The following FRAS1 variants were observed in gnomAD, a reference collection of about 807,000 sequenced individuals.
FRAS1 encodes Fraser extracellular matrix complex subunit 1, also known as extracellular matrix organizing protein FRAS1.
A neutral mutation model predicts 435.2 loss-of-function variants in FRAS1; 290 were observed. The ratio of observed to expected loss-of-function variants is 0.67; its 90% CI spans 0.61 to 0.73. The LOEUF is 0.73. Among genes scored for constraint, FRAS1 ranks in the 30% least tolerant of loss-of-function variants. The probability of loss-of-function intolerance (pLI) is 0.00; values close to 1 mark genes in which losing one functional copy is unlikely to be tolerated. For missense variants in FRAS1, 4,860 were observed against 5,001.5 expected (o/e 0.97, Z 0.85); for synonymous variants, 1,800 against 1,851.0 (o/e 0.97, Z 0.71).
chr4:78,177,769 C>T (rs868484021), intron 2 of FRAS1, among the ~76,000 whole-genome samples: 1 of 152,142 alleles, frequency 6.6e-6, no homozygotes, highest in Admixed American at 6.5e-5. Context: ...TGCCTCACCA[C>T]CTTTTACCTT....
chr4:78,225,977 T>A (rs950987968), intron 2 of FRAS1, among the ~76,000 whole-genome samples: 1 of 152,234 alleles, frequency 6.6e-6, no homozygotes, highest in African/African-American at 2.4e-5. Context: ...CCCTTCTTTT[T>A]GTCTTTGAAT....
At chr4:78,518,438 ATATATATATATATATT>A (rs1560423097) in intron 66 of FRAS1, among the ~76,000 whole-genome samples, 2 of 120,256 alleles carry the variant, frequency 1.7e-5, no homozygotes, top group Non-Finnish European at 3.5e-5. Context: ...ATATATATAT[ATATATATATATATATT>A]TATTTATTTA....
chr4:78,412,300 A>G (rs1362842734), intron 31 of FRAS1, among the ~76,000 whole-genome samples: 1 of 152,256 alleles, frequency 6.6e-6, no homozygotes, highest in East Asian at 1.9e-4. Flanking sequence ...TTAGCAAACA[A>G]TGGAGAGAAA....
chr4:78,277,617 T>A (rs1350492628), intron 9 of FRAS1, among the ~76,000 whole-genome samples: 1 of 152,158 alleles, frequency 6.6e-6, no homozygotes, highest in Non-Finnish European at 1.5e-5. Context: ...TTCTGGGAGA[T>A]GGGACTTCAG....
At chr4:78,430,620 G>C (rs1416024317) in intron 37 of FRAS1, among the ~76,000 whole-genome samples, 1 of 152,008 alleles carries the variant, frequency 6.6e-6, no homozygotes, top group East Asian at 1.9e-4. Flanking sequence ...CCTGCCCCCG[G>C]CCCCACCTTG....
At chr4:78,142,285 A>G (rs1300344554) in intron 2 of FRAS1, among the ~76,000 whole-genome samples, 1 of 152,120 alleles carries the variant, frequency 6.6e-6, no homozygotes, top group Non-Finnish European at 1.5e-5. Flanking sequence ...AGTTAGGTCA[A>G]TCCAGTTGGA....
At chr4:78,515,658 T>G (rs1000268085) in intron 65 of FRAS1, 141 bp from the exon 66 acceptor site, 1 of 691,646 alleles carries the variant, frequency 1.4e-6, no homozygotes, top group Non-Finnish European at 2.5e-6. Flanking sequence ...CCCTGCACAT[T>G]GGGAGCCCTG....
intron 2 of FRAS1, among the ~76,000 whole-genome samples, chr4:78,113,690 G>A (rs1578131464): frequency 6.6e-6 from 1 of 151,986 alleles, no homozygotes; most frequent in Admixed American, 6.6e-5. Flanking sequence ...TTTTTTTCTT[G>A]TAAATTTGTT....
At chr4:78,201,526 C>T (rs1230366362) in intron 2 of FRAS1, among the ~76,000 whole-genome samples, 2 of 152,258 alleles carry the variant, frequency 1.3e-5, no homozygotes, top group Middle Eastern at 3.4e-3. Flanking sequence ...AGGAATTGGC[C>T]TATGAGAGAC....
chr4:78,404,508 G>A (rs1388789178), intron 30 of FRAS1, among the ~76,000 whole-genome samples: 1 of 151,744 alleles, frequency 6.6e-6, no homozygotes, highest in Non-Finnish European at 1.5e-5. Context: ...TGTCACAAAG[G>A]CACCTGTATT....
At chr4:78,403,680 G>C (rs1320041064) in intron 30 of FRAS1, among the ~76,000 whole-genome samples, 1 of 152,112 alleles carries the variant, frequency 6.6e-6, no homozygotes, top group Non-Finnish European at 1.5e-5. Context: ...ACCACTTGCA[G>C]ACTCACCACC....
intron 34 of FRAS1, among the ~76,000 whole-genome samples, chr4:78,423,665 A>T (rs2110376570): frequency 6.6e-6 from 1 of 152,346 alleles, no homozygotes; most frequent in East Asian, 1.9e-4. Context: ...TTAATCGCCC[A>T]GAAAACAGTT....
At position 78,540,669 on chromosome 4, in the gene FRAS1, C is replaced by T. The variant is rs983486892; in HGVS notation, c.11584C>T (p.Leu3862=). The T allele has an allele frequency of 2.5e-6, 4 of 1,613,022 alleles. No individual in the cohort carries two copies. The highest frequency in any genetic ancestry group is 3.4e-6 in the Non-Finnish European group (4 of 1,179,394). ...RRDLVEPDGQ[L]ILDDSLIYDN... The stretch of plus-strand genomic sequence containing the variant: ...GGACCTGGTAGAGCCCGATGGCCAG[C>T]TGATCCTTGATGATTCCCTCATCTA... Residue 3862 remains leucine (L), a synonymous_variant, in exon 74 of 74, where the codon CTG becomes TTG. Transcript: ENST00000512123.
chr4:78,158,898 G>T (rs139894734), intron 2 of FRAS1, among the ~76,000 whole-genome samples: 55 of 152,256 alleles, frequency 3.6e-4, no homozygotes, highest in African/African-American at 1.3e-3. Context: ...TTTTTGGTGT[G>T]GGTGTTCAGT....
intron 51 of FRAS1, among the ~76,000 whole-genome samples, chr4:78,471,460 A>C (rs563413754): frequency 1.3e-5 from 2 of 151,754 alleles, no homozygotes; most frequent in African/African-American, 4.8e-5. Flanking sequence ...GAGCAATTCC[A>C]TTCTCTTCTC....
At chr4:78,169,288 C>A (rs1174717664) in intron 2 of FRAS1, among the ~76,000 whole-genome samples, 1 of 152,062 alleles carries the variant, frequency 6.6e-6, no homozygotes, top group African/African-American at 2.4e-5. Context: ...TTACTTCTGG[C>A]AAATTGTTTT....
At chr4:78,240,523 A>G (rs770475183) in intron 3 of FRAS1, among the ~76,000 whole-genome samples, 2 of 152,240 alleles carry the variant, frequency 1.3e-5, no homozygotes, top group Non-Finnish European at 2.9e-5. Context: ...CAGGAGGATT[A>G]AGAAAAACAG....
intron 61 of FRAS1, 67 bp from the exon 62 acceptor site, chr4:78,507,354 G>A: frequency 7.2e-7 from 1 of 1,386,904 alleles, no homozygotes. Context: ...GCAGTGCCAA[G>A]CTGCACTCTC....
At chr4:78,492,073 C>G (rs1720367954) in intron 59 of FRAS1, among the ~76,000 whole-genome samples, 1 of 152,120 alleles carries the variant, frequency 6.6e-6, no homozygotes, top group South Asian at 2.1e-4. Context: ...AATAAAATAC[C>G]TAAGAATACA....
Sources: allele counts gnomAD v4.1 joint callset (sites outside exome capture counted in the v4.1 genomes callset), GRCh38; gene constraint gnomAD v4.1.1; transcripts MANE v1.5; gene names NCBI Gene and HGNC (gene_info 2026-07-23, HGNC 2026-07-21).